Variants in PPP1R12A observed in about 807,000 individuals in gnomAD.
PPP1R12A encodes protein phosphatase 1 regulatory subunit 12A.
In PPP1R12A, 19 loss-of-function variants were observed where a neutral mutation model predicts 139.6. The ratio of observed to expected loss-of-function variants is 0.14; its 90% CI spans 0.09 to 0.20. The LOEUF (loss-of-function observed/expected upper bound fraction) is 0.20, where lower values mean the gene tolerates loss of function less well. Among genes scored for constraint, PPP1R12A ranks in the 10% least tolerant of loss-of-function variants. The pLI is 1.00. For synonymous variants in PPP1R12A, 427 were observed against 420.6 expected, an observed-to-expected ratio of 1.02 and a Z score of -0.19; for missense variants, 925 against 1,211.5, an observed-to-expected ratio of 0.76 and a Z score of 3.51.
At chr12:79,797,418 A>G (rs745711014) in intron 15 of PPP1R12A, 23 bp from the exon 16 acceptor site, 15 of 1,547,328 alleles carry the variant, frequency 9.7e-6, no homozygotes, top group Middle Eastern at 1.7e-4. Flanking sequence ...AAAGATCAAT[A>G]TAATTATGAG....
rs776906606 is a variant in PPP1R12A, at chr12:79,820,936, T to C, written c.957-5A>G. The C allele has an allele frequency of 9.9e-6, 16 of 1,612,738 alleles. No individual in the cohort carries two copies. Among genetic ancestry groups the C allele is most frequent in the Non-Finnish European group, 1.4e-5 (16 of 1,179,458 alleles). ...TCAATAATCAACGTCTCTTTGCTGTTAAAGGAAAACAGTGTTCAAATGATT... is the reference window on the plus strand; with the variant it reads ...TCAATAATCAACGTCTCTTTGCTGTCAAAGGAAAACAGTGTTCAAATGATT... On this transcript the variant is annotated splice_polypyrimidine_tract_variant and splice_region_variant and intron_variant, in intron 7 of 24. Transcript: ENST00000450142.
chr12:79,790,606 T>C, intron 19 of PPP1R12A, 123 bp from the exon 20 acceptor site: 8 of 618,454 alleles, frequency 1.3e-5, no homozygotes, highest in Middle Eastern at 2.8e-4. Flanking sequence ...CACCTAAGGT[T>C]CTTTATGCAT....
rs776395313 is a variant in PPP1R12A at position 79,872,809 on chromosome 12, C to G, written c.367G>C (p.Glu123Gln). The G allele has an allele frequency of 6.2e-7, 1 of 1,613,390 alleles. No individual in the cohort carries two copies. Among genetic ancestry groups the G allele is most frequent in the East Asian group, 2.2e-5 (1 of 44,812 alleles). ...AASCGYLDIA[E>Q]FLIGQGAHVG... is the part of the protein sequence containing the mutation. ...AATGAAAACACAGAACTGGCTTACTCTGCAATATCAAGATATCCACAGGAA... is the reference window on the plus strand; with the variant it reads ...AATGAAAACACAGAACTGGCTTACTGTGCAATATCAAGATATCCACAGGAA... Residue 123 changes from glutamate (E) to glutamine (Q), a missense_variant and splice_region_variant, in exon 2 of 25, where the codon GAG becomes CAG. By Grantham distance (29) the Glu-to-Gln change is conservative. Coordinates refer to ENST00000450142, the MANE Select transcript of PPP1R12A (RefSeq NM_002480.3).
chr12:79,926,698 T>C (rs1486927585), intron 1 of PPP1R12A, among the ~76,000 whole-genome samples: 1 of 152,104 alleles, frequency 6.6e-6, no homozygotes, highest in Non-Finnish European at 1.5e-5. Context: ...TAAATATTTA[T>C]TGTGTACCTA....
At position 79,784,865 on chromosome 12, in the gene PPP1R12A, G is replaced by A. The variant is rs1442775737; in HGVS notation, c.2907+1509C>T. Among the ~76,000 whole-genome samples the A allele has an allele frequency of 2.0e-5, 3 of 152,032 alleles. No individual in the cohort carries two copies. In the East Asian group the frequency reaches 5.8e-4, roughly 29 times the overall value. On this transcript the variant is annotated intron_variant, in intron 22 of 24. Transcript: ENST00000450142. ...TGTTGGCCAGGCTGGTCTCGAGCTC[G>A]TGACCTCAGGTGATCCGCCCACCTT...
chr12:79,819,539 C>A (rs1875828816), intron 8 of PPP1R12A: 1 of 152,126 alleles, frequency 6.6e-6, no homozygotes, highest in African/African-American at 2.4e-5. Flanking sequence ...GATCTGGGTG[C>A]AAGTCTTGGC....
At chr12:79,921,470 A>C (rs1887432108) in intron 1 of PPP1R12A, among the ~76,000 whole-genome samples, 1 of 152,238 alleles carries the variant, frequency 6.6e-6, no homozygotes, top group Non-Finnish European at 1.5e-5. Flanking sequence ...AAAAGGCTCA[A>C]AACATCTGCT....
Position 79,777,650 on chromosome 12 carries a change from G to C in PPP1R12A, c.3006+900C>G, listed in dbSNP as rs1456560498. 9 of 983,300 alleles carry C rather than the reference G, an allele frequency of 9.2e-6. No individual in the cohort carries two copies. In the South Asian group the frequency reaches 2.8e-4, roughly 31 times the overall value. The allele number at this position is 983,300 out of a possible 1,614,324, so 60.9% of individuals were successfully genotyped here. ...ATTGAATTTGCTTTATTTGGTGCAG[G>C]TTCTGCAGGAATCAGAACATAAAGA... On this transcript the variant is annotated intron_variant, in intron 24 of 24. Transcript: ENST00000450142.
Position 79,796,970 on chromosome 12 carries a change from A to G in PPP1R12A, c.2293-20T>C, listed in dbSNP as rs754220600. ...GTAAGTCTGTGAAACATTAAGATCAAAACCCATTTGAAACATTAAACACAA... is the reference window on the plus strand; with the variant it reads ...GTAAGTCTGTGAAACATTAAGATCAGAACCCATTTGAAACATTAAACACAA... On this transcript the variant is annotated intron_variant, in intron 16 of 24. Coordinates refer to ENST00000450142, the MANE Select transcript of PPP1R12A (RefSeq NM_002480.3). 6.3e-7 allele frequency: 1 copy of G among 1,578,270 alleles called. No homozygotes were observed. The highest frequency in any genetic ancestry group is 1.2e-5 in the South Asian group (1 of 84,938).
At position 79,775,861 on chromosome 12, in the gene PPP1R12A, T is replaced by C; in HGVS notation, c.*68A>G. The C allele has an allele frequency of 9.2e-7, 1 of 1,085,178 alleles. No homozygotes were observed. The highest frequency in any genetic ancestry group is 2.8e-5 in the East Asian group (1 of 36,322). 67.2% of individuals were successfully genotyped at this position (1,085,178 alleles called of 1,614,324 possible). Reference sequence around the variant, plus strand: ...CCAAGGATTCTTCCCAGACTTCCAGTGACTGCCAATTATGGTCCACTGGGT... The same window carrying C: ...CCAAGGATTCTTCCCAGACTTCCAGCGACTGCCAATTATGGTCCACTGGGT... On this transcript the variant is annotated 3_prime_UTR_variant, in exon 25 of 25. Coordinates refer to ENST00000450142, the MANE Select transcript of PPP1R12A (RefSeq NM_002480.3).
At chr12:79,820,035 A>G (rs1266067116) in intron 8 of PPP1R12A, among the ~76,000 whole-genome samples, 3 of 147,044 alleles carry the variant, frequency 2.0e-5, no homozygotes, top group Non-Finnish European at 4.4e-5. Flanking sequence ...CTACCATATG[A>G]AAAAAACACA....
At chr12:79,842,716 T>G (rs1308444628) in intron 3 of PPP1R12A, among the ~76,000 whole-genome samples, 1 of 152,114 alleles carries the variant, frequency 6.6e-6, no homozygotes, top group Non-Finnish European at 1.5e-5. Flanking sequence ...AACTTTTTTT[T>G]TTGTTTTCAG....
intron 1 of PPP1R12A, among the ~76,000 whole-genome samples, chr12:79,931,013 AAGAT>A (rs1167172258): frequency 6.6e-6 from 1 of 152,192 alleles, no homozygotes; most frequent in African/African-American, 2.4e-5. Flanking sequence ...TTGATGAAGA[AAGAT>A]AGACCTGTTT....
At chr12:79,832,238 C>T in intron 4 of PPP1R12A, 94 bp downstream of exon 4, 1 of 1,241,998 alleles carries the variant, frequency 8.1e-7, no homozygotes, top group Non-Finnish European at 1.1e-6. Context: ...TTTTATGTTG[C>T]TTCAAAATAA....
chr12:79,869,124 T>C (rs1217021715), intron 2 of PPP1R12A, among the ~76,000 whole-genome samples: 1 of 152,184 alleles, frequency 6.6e-6, no homozygotes, highest in Non-Finnish European at 1.5e-5. Flanking sequence ...ACTTCTACCT[T>C]GTTAAGAATA....
At chr12:79,802,244 C>G (rs1873274855) in intron 14 of PPP1R12A, among the ~76,000 whole-genome samples, 1 of 152,064 alleles carries the variant, frequency 6.6e-6, no homozygotes, top group Non-Finnish European at 1.5e-5. Context: ...CAGTACTTCC[C>G]AAGACCATTT....
At chr12:79,901,446 T>G (rs1885633902) in intron 1 of PPP1R12A, among the ~76,000 whole-genome samples, 1 of 152,184 alleles carries the variant, frequency 6.6e-6, no homozygotes, top group African/African-American at 2.4e-5. Flanking sequence ...CATGTTTTCA[T>G]TTCTCTGGAG....
intron 14 of PPP1R12A, among the ~76,000 whole-genome samples, chr12:79,801,391 T>C (rs1873162743): frequency 7.7e-6 from 1 of 130,146 alleles, no homozygotes; most frequent in African/African-American, 2.8e-5. Context: ...AAAAAGCCTC[T>C]TTCTTTTGTT....
intron 1 of PPP1R12A, among the ~76,000 whole-genome samples, chr12:79,903,205 C>T (rs554456292): frequency 3.5e-4 from 54 of 152,120 alleles, no homozygotes; most frequent in Non-Finnish European, 6.5e-4. Context: ...TAAATCCCAA[C>T]ATTTTGGGAG....
Sources: allele counts gnomAD v4.1 joint callset (sites outside exome capture counted in the v4.1 genomes callset), GRCh38; gene constraint gnomAD v4.1.1; transcripts MANE v1.5; gene names NCBI Gene and HGNC (gene_info 2026-07-23, HGNC 2026-07-21).